Variants in SPOPL observed in about 807,000 individuals in gnomAD.
SPOPL encodes the protein speckle type BTB/POZ protein like, also known as speckle-type POZ protein-like.
A neutral mutation model predicts 53.8 loss-of-function variants in SPOPL; 23 were observed. The ratio of observed to expected loss-of-function variants is 0.43; its 90% CI spans 0.31 to 0.61. The LOEUF (loss-of-function observed/expected upper bound fraction) is 0.61. Ranked by LOEUF, SPOPL falls within the 20% of genes least tolerant of loss-of-function variation. The pLI is 0.12. For missense variants in SPOPL, 442 were observed against 466.9 expected (o/e 0.95, Z 0.49); for synonymous variants, 164 against 149.7 (o/e 1.10, Z -0.70).
intron 1 of SPOPL, among the ~76,000 whole-genome samples, chr2:138,542,912 C>T (rs1379432877): frequency 2.0e-5 from 3 of 152,128 alleles, no homozygotes; most frequent in African/African-American, 7.2e-5. Flanking sequence ...CCTTCAGGAG[C>T]TCTTTTAGGG....
At chr2:138,530,444 T>C (rs1269787365) in intron 1 of SPOPL, among the ~76,000 whole-genome samples, 1 of 152,192 alleles carries the variant, frequency 6.6e-6, no homozygotes, top group Non-Finnish European at 1.5e-5. Flanking sequence ...TCTGCATATA[T>C]TGAAATTGAT....
rs1684388702 is a variant in SPOPL at position 138,514,144 on chromosome 2, AG to A, written c.-61+12027del. Among the ~76,000 whole-genome samples the A allele has an allele frequency of 2.0e-5, 3 of 152,176 alleles. No individual in the cohort carries two copies. The South Asian group carries it at 6.2e-4, about 32-fold the overall frequency. On this transcript the variant is annotated intron_variant, in intron 1 of 10. Coordinates refer to ENST00000280098, the MANE Select transcript of SPOPL (RefSeq NM_001001664.3). ...TTAATTTAGGAAGTTTATTTTGCCAAGGTTGAGGACCTGCGCTGGGGTAACA... is the reference window on the plus strand; with the variant it reads ...TTAATTTAGGAAGTTTATTTTGCCAAGTTGAGGACCTGCGCTGGGGTAACA...
At chr2:138,505,080 T>C (rs560454614) in intron 1 of SPOPL, among the ~76,000 whole-genome samples, 1 of 149,116 alleles carries the variant, frequency 6.7e-6, no homozygotes, top group African/African-American at 2.6e-5. Flanking sequence ...TCCTTGTTGA[T>C]TTACTTTAGA....
intron 1 of SPOPL, among the ~76,000 whole-genome samples, chr2:138,520,721 A>T (rs192537381): frequency 2.2e-4 from 33 of 152,246 alleles, no homozygotes; most frequent in Middle Eastern, 3.4e-3. Context: ...ATGATTTTTT[A>T]AAAAAAGAAG....
Position 138,550,259 on chromosome 2 carries a change from A to C in SPOPL, c.43A>C (p.Thr15Pro), listed in dbSNP as rs143323501. ...CCCACCTCTACCTGGAGATATGTCT[A>C]CTGGTCCCATAGCAGAAAGCTGGTG... ...PTPPLPGDMSTGPIAESWCYT... is the reference protein window; with the variant it reads ...PTPPLPGDMSPGPIAESWCYT... Residue 15 changes from threonine (T) to proline (P), a missense_variant, in exon 2 of 11, where the codon ACT (threonine) becomes CCT (proline). Transcript: ENST00000280098. 4 of 1,613,550 alleles carry C rather than the reference A, an allele frequency of 2.5e-6. No individual in the cohort carries two copies. The highest frequency in any genetic ancestry group is 3.4e-6 in the Non-Finnish European group (4 of 1,179,684).
chr2:138,545,193 C>G (rs1685166756), intron 1 of SPOPL, among the ~76,000 whole-genome samples: 1 of 152,106 alleles, frequency 6.6e-6, no homozygotes, highest in African/African-American at 2.4e-5. Flanking sequence ...AAGTACATTA[C>G]AATATGTTTT....
chr2:138,544,586 C>T (rs888613308), intron 1 of SPOPL, among the ~76,000 whole-genome samples: 2 of 152,308 alleles, frequency 1.3e-5, no homozygotes, highest in African/African-American at 4.8e-5. Flanking sequence ...ATTGGAAAAG[C>T]ACAGTATTAG....
At chr2:138,524,194 A>G (rs116371017) in intron 1 of SPOPL, among the ~76,000 whole-genome samples, 3,431 of 152,260 alleles carry the variant, frequency 0.023, 135 homozygotes, top group African/African-American at 0.078. Context: ...CCAAGACTTG[A>G]GGCTTCCACC....
At chr2:138,514,968 C>T (rs1304984127) in intron 1 of SPOPL, among the ~76,000 whole-genome samples, 1 of 152,206 alleles carries the variant, frequency 6.6e-6, no homozygotes, top group East Asian at 1.9e-4. Context: ...CCTTTCCCTA[C>T]TCCTACCCTT....
At chr2:138,563,183 A>G (rs1183995984) in intron 8 of SPOPL, among the ~76,000 whole-genome samples, 2 of 152,222 alleles carry the variant, frequency 1.3e-5, no homozygotes, top group Non-Finnish European at 2.9e-5. Flanking sequence ...TGAAATACAT[A>G]AAAAGATATT....
At chr2:138,552,003 G>A (rs1029448854) in intron 4 of SPOPL, among the ~76,000 whole-genome samples, 2 of 151,974 alleles carry the variant, frequency 1.3e-5, no homozygotes, top group South Asian at 4.1e-4. Flanking sequence ...TATGTCTAGA[G>A]ACTTAGGAAT....
chr2:138,558,961 T>G, intron 5 of SPOPL, 61 bp from the exon 6 acceptor site: 1 of 1,420,778 alleles, frequency 7.0e-7, no homozygotes, highest in East Asian at 2.4e-5. Flanking sequence ...AAGTATGGAC[T>G]TAAACTAATT....
chr2:138,559,451 A>C lies in SPOPL; in HGVS notation c.714+114A>C, dbSNP rs1225563527. 2.7e-6 allele frequency: 3 copies of C among 1,116,276 alleles called. No individual in the cohort carries two copies. In the East Asian group the frequency reaches 7.8e-5, roughly 29 times the overall value. 69.1% of individuals were successfully genotyped at this position (1,116,276 alleles called of 1,614,324 possible). Reference sequence around the variant, plus strand: ...TTGTCATACTGTGATAAGCAGGGAAAATTTTTACAAACAGGAAAAAAATGT... The same window carrying C: ...TTGTCATACTGTGATAAGCAGGGAACATTTTTACAAACAGGAAAAAAATGT... On this transcript the variant is annotated intron_variant, in intron 7 of 10. Coordinates refer to ENST00000280098, the MANE Select transcript of SPOPL (RefSeq NM_001001664.3).
chr2:138,564,758 C>T lies in SPOPL; in HGVS notation c.888C>T (p.Asn296=), dbSNP rs145663394. 2.0e-4 allele frequency: 324 copies of T among 1,614,114 alleles called. No homozygotes were observed. The African/African-American group carries it at 3.5e-3, about 18-fold the overall frequency. ...TGTGCGAAGAAGCTTTGTGTAGTAA[C>T]CTCTCAGTAGAGAATGTTGCAGATA... ...KVMCEEALCS[N]LSVENVADTL... Residue 296 remains asparagine (N), a synonymous_variant, in exon 9 of 11, where the codon AAC becomes AAT. Coordinates refer to ENST00000280098, the MANE Select transcript of SPOPL (RefSeq NM_001001664.3).
chr2:138,565,323 C>G (rs912722893), intron 10 of SPOPL, among the ~76,000 whole-genome samples: 3 of 152,266 alleles, frequency 2.0e-5, no homozygotes, highest in Middle Eastern at 3.4e-3. Flanking sequence ...TCATTTACTC[C>G]TATGAGGAAT....
chr2:138,539,391 C>G (rs1685011836), intron 1 of SPOPL, among the ~76,000 whole-genome samples: 2 of 152,114 alleles, frequency 1.3e-5, no homozygotes, highest in African/African-American at 4.8e-5. Flanking sequence ...TCCTATTTCT[C>G]CACATCCTCT....
chr2:138,516,259 G>C (rs185221838), intron 1 of SPOPL, among the ~76,000 whole-genome samples: 119 of 152,274 alleles, frequency 7.8e-4, no homozygotes, highest in Admixed American at 7.3e-3. Flanking sequence ...GAGCGTCTTT[G>C]AAGTTGTGAT....
intron 1 of SPOPL, among the ~76,000 whole-genome samples, chr2:138,532,979 T>A (rs140733911): frequency 6.6e-6 from 1 of 152,306 alleles, no homozygotes; most frequent in East Asian, 1.9e-4. Flanking sequence ...GTACTTTTTA[T>A]ATACATTAAT....
intron 10 of SPOPL, among the ~76,000 whole-genome samples, chr2:138,567,779 T>A (rs1043029089): frequency 6.6e-6 from 1 of 152,040 alleles, no homozygotes; most frequent in Non-Finnish European, 1.5e-5. Flanking sequence ...GAAAAGAAAG[T>A]AAGAAATATT....
Sources: allele counts gnomAD v4.1 joint callset (sites outside exome capture counted in the v4.1 genomes callset), GRCh38; gene constraint gnomAD v4.1.1; transcripts MANE v1.5; gene names NCBI Gene and HGNC (gene_info 2026-07-23, HGNC 2026-07-21).